Variants in TAPT1 observed in about 807,000 individuals in gnomAD.
TAPT1 encodes the protein transmembrane anterior posterior transformation 1, also known as transmembrane anterior posterior transformation protein 1 homolog.
A neutral mutation model predicts 65.6 loss-of-function variants in TAPT1; 28 were observed. The observed-to-expected ratio is 0.43, with a 90% CI of 0.32 to 0.59. The LOEUF (loss-of-function observed/expected upper bound fraction) is 0.59, where lower values mean the gene tolerates loss of function less well. TAPT1 is among the 20% of genes least tolerant of loss of function. The probability of loss-of-function intolerance (pLI) is 0.09; values close to 1 mark genes in which losing one functional copy is unlikely to be tolerated. For synonymous variants in TAPT1, 278 were observed against 245.2 expected, an observed-to-expected ratio of 1.13 and a Z score of -1.25; for missense variants, 563 against 679.9, an observed-to-expected ratio of 0.83 and a Z score of 1.91.
At chr4:16,164,266 C>G (rs776369855) in intron 13 of TAPT1, among the ~76,000 whole-genome samples, 1 of 152,158 alleles carries the variant, frequency 6.6e-6, no homozygotes, top group Non-Finnish European at 1.5e-5. Flanking sequence ...AATGACACAT[C>G]CAGCTCTCTT....
At chr4:16,191,123 C>A in intron 4 of TAPT1, 1 of 395,088 alleles carries the variant, frequency 2.5e-6, no homozygotes, top group Non-Finnish European at 4.6e-6. Context: ...GAGGTGTGTC[C>A]CAGACCAGCA....
At chr4:16,191,305 A>C in intron 4 of TAPT1, 56 bp downstream of exon 4, 7 of 1,524,768 alleles carry the variant, frequency 4.6e-6, no homozygotes, top group Non-Finnish European at 6.2e-6. Context: ...TTCAGAACTG[A>C]AGACTTGAAG....
chr4:16,195,949 G>C (rs1308755395), intron 3 of TAPT1, among the ~76,000 whole-genome samples: 1 of 152,198 alleles, frequency 6.6e-6, no homozygotes, highest in Admixed American at 6.5e-5. Flanking sequence ...ACATGCCAGA[G>C]TATTAGCATG....
At chr4:16,197,672 A>G (rs563488989) in intron 3 of TAPT1, among the ~76,000 whole-genome samples, 1 of 152,370 alleles carries the variant, frequency 6.6e-6, no homozygotes, top group East Asian at 1.9e-4. Context: ...TCCAAGGAAT[A>G]GACACTTCAT....
chr4:16,187,253 A>T (rs1468462208), intron 5 of TAPT1, among the ~76,000 whole-genome samples: 1 of 152,202 alleles, frequency 6.6e-6, no homozygotes, highest in East Asian at 1.9e-4. Flanking sequence ...GAAGAGACTA[A>T]GAAATACACA....
Position 16,162,920 on chromosome 4 carries a change from A to G in TAPT1, c.*388T>C. 4.6e-6 allele frequency: 2 copies of G among 434,682 alleles called. No individual in the cohort carries two copies. The highest frequency in any genetic ancestry group is 9.5e-6 in the Non-Finnish European group (2 of 210,248). 26.9% of individuals were successfully genotyped at this position (434,682 alleles called of 1,614,324 possible). On this transcript the variant is annotated 3_prime_UTR_variant, in exon 14 of 14. Transcript: ENST00000405303. ...AGACTGGAAAGATTACGTCGTGGTAAAAGTTTCACAGTTTTCCAGGTATTT... is the reference window on the plus strand; with the variant it reads ...AGACTGGAAAGATTACGTCGTGGTAGAAGTTTCACAGTTTTCCAGGTATTT...
At chr4:16,184,000 A>G (rs1464599263) in intron 7 of TAPT1, among the ~76,000 whole-genome samples, 1 of 152,210 alleles carries the variant, frequency 6.6e-6, no homozygotes, top group Non-Finnish European at 1.5e-5. Context: ...CTTGTTTAAC[A>G]TATTCATATG....
chr4:16,192,462 T>G (rs1428974346), intron 3 of TAPT1, among the ~76,000 whole-genome samples: 1 of 152,236 alleles, frequency 6.6e-6, no homozygotes, highest in African/African-American at 2.4e-5. Context: ...ATGTTAGACC[T>G]CTGTGACTTC....
In TAPT1 at chr4:16,161,630, A is replaced by C. The variant is rs1253199742; in HGVS notation, c.*1678T>G. ...ATGGGGCTCCATTAAAACACACACA[A>C]AGCAATTAAAACCTTTTTCATTTTT... On this transcript the variant is annotated 3_prime_UTR_variant, in exon 14 of 14. Transcript: ENST00000405303. 1 of 152,484 alleles carries C rather than the reference A, an allele frequency of 6.6e-6. No individual in the cohort carries two copies. Among genetic ancestry groups the C allele is most frequent in the African/African-American group, 2.4e-5 (1 of 41,442 alleles). 9.4% of individuals were successfully genotyped at this position (152,484 alleles called of 1,614,324 possible).
chr4:16,202,415 A>G (rs1256060625), intron 3 of TAPT1, 47 bp downstream of exon 3: 1 of 1,176,344 alleles, frequency 8.5e-7, no homozygotes, highest in South Asian at 1.4e-5. Context: ...AGTATTAAAA[A>G]TAATGAAATA....
At chr4:16,184,138 A>G (rs532459115) in intron 7 of TAPT1, among the ~76,000 whole-genome samples, 46 of 151,452 alleles carry the variant, frequency 3.0e-4, no homozygotes, top group Non-Finnish European at 8.9e-5. Context: ...ATACAGAAAG[A>G]AGTTCCATCA....
intron 9 of TAPT1, 117 bp from the exon 10 acceptor site, chr4:16,174,846 C>A: frequency 1.5e-6 from 1 of 686,074 alleles, no homozygotes; most frequent in South Asian, 2.7e-5. Context: ...TGCTAATAAC[C>A]AAGCTGACAT....
intron 8 of TAPT1, chr4:16,179,345 G>A: frequency 4.8e-6 from 2 of 412,394 alleles, no homozygotes; most frequent in Non-Finnish European, 8.8e-6. Flanking sequence ...TAGGAGACCA[G>A]GTGACAGGAA....
chr4:16,191,370 G>A lies in TAPT1; in HGVS notation c.603C>T (p.Asn201=). 6.2e-7 allele frequency: 1 copy of A among 1,600,928 alleles called. No homozygotes were observed. Among genetic ancestry groups the A allele is most frequent in the Non-Finnish European group, 8.5e-7 (1 of 1,173,746 alleles). ...TAAGCAAGGCCCTTACCTCCAGCAT[G>A]TTGTAGATGATGTAGAGCTTGATGA... ...QSVIKLYIIY[N]MLEVADRLFS... The change falls in exon 4 of 14, where the codon AAC becomes AAT. Residue 201 remains asparagine, a synonymous_variant. Coordinates refer to ENST00000405303, the MANE Select transcript of TAPT1 (RefSeq NM_153365.3).
At chr4:16,168,900 C>T (rs1252829424) in intron 12 of TAPT1, among the ~76,000 whole-genome samples, 15 of 152,226 alleles carry the variant, frequency 9.9e-5, no homozygotes. Flanking sequence ...CCCACCTTAG[C>T]TGGCAAGAGT....
chr4:16,164,209 T>G (rs1487575216), intron 13 of TAPT1, among the ~76,000 whole-genome samples: 1 of 152,090 alleles, frequency 6.6e-6, no homozygotes, highest in Non-Finnish European at 1.5e-5. Flanking sequence ...ATCTGATGAG[T>G]TCTGACATGT....
At chr4:16,186,640 A>T (rs780516864) in intron 6 of TAPT1, 36 bp from the exon 7 acceptor site, 4 of 1,457,482 alleles carry the variant, frequency 2.7e-6, no homozygotes, top group Middle Eastern at 1.9e-4. Context: ...CTTTATGATT[A>T]TAACAGTTTA....
intron 2 of TAPT1, among the ~76,000 whole-genome samples, chr4:16,206,330 C>T (rs2149707027): frequency 6.6e-6 from 1 of 152,350 alleles, no homozygotes; most frequent in Middle Eastern, 3.4e-3. Context: ...ACTTCCAATC[C>T]ATGTTGAATA....
chr4:16,170,431 C>T (rs1388542744), intron 12 of TAPT1, among the ~76,000 whole-genome samples: 2 of 152,134 alleles, frequency 1.3e-5, no homozygotes, highest in Non-Finnish European at 2.9e-5. Flanking sequence ...TAAGATTTTG[C>T]TAAAAATTAA....
Sources: gnomAD v4.1 joint callset for allele counts (sites outside exome capture counted in the v4.1 genomes callset) on GRCh38, gnomAD v4.1.1 for gene constraint, MANE v1.5 for transcripts, NCBI Gene and HGNC (gene_info 2026-07-23, HGNC 2026-07-21) for gene names.